ANO1: variants seen among roughly 807,000 people sequenced by gnomAD.
ANO1 encodes anoctamin 1.
Under a neutral mutation model 124.0 loss-of-function variants are expected in ANO1, and 59 were observed. The ratio of observed to expected loss-of-function variants is 0.48; its 90% CI spans 0.39 to 0.59. The LOEUF is 0.59. ANO1 is among the 20% of genes least tolerant of loss of function. The pLI is 0.00. For synonymous variants in ANO1, 529 were observed against 532.0 expected (o/e 0.99, Z 0.08); for missense variants, 1,059 against 1,328.0 (o/e 0.80, Z 3.15).
At chr11:70,168,053 G>A (rs1199577017) in intron 21 of ANO1, among the ~76,000 whole-genome samples, 3 of 152,148 alleles carry the variant, frequency 2.0e-5, no homozygotes, top group Non-Finnish European at 2.9e-5. Context: ...CCTCAATCAC[G>A]TGGCTGGCCA....
chr11:70,144,196 G>A (rs547705985), intron 11 of ANO1, among the ~76,000 whole-genome samples: 16 of 152,298 alleles, frequency 1.1e-4, no homozygotes, highest in African/African-American at 3.8e-4. Flanking sequence ...GGTACAAAAT[G>A]TAGCCTCTGT....
intron 1 of ANO1, among the ~76,000 whole-genome samples, chr11:70,029,417 T>C (rs1856963610): frequency 6.6e-6 from 1 of 152,226 alleles, no homozygotes; most frequent in South Asian, 2.1e-4. Flanking sequence ...GAGCCATTTG[T>C]AGGGGGTGTT....
intron 1 of ANO1, among the ~76,000 whole-genome samples, chr11:70,081,818 G>A (rs1013259421): frequency 1.3e-5 from 2 of 152,214 alleles, no homozygotes; most frequent in Non-Finnish European, 2.9e-5. Flanking sequence ...CATTCATGGC[G>A]CCTGGGACAG....
At chr11:70,132,494 G>C (rs1292769872) in intron 11 of ANO1, among the ~76,000 whole-genome samples, 1 of 152,152 alleles carries the variant, frequency 6.6e-6, no homozygotes, top group Non-Finnish European at 1.5e-5. Context: ...TGTCTCACTA[G>C]AGCCCTCAGC....
chr11:70,068,616 C>T (rs1442382803), intron 1 of ANO1, among the ~76,000 whole-genome samples: 1 of 152,084 alleles, frequency 6.6e-6, no homozygotes, highest in Non-Finnish European at 1.5e-5. Flanking sequence ...AGGAGGGTCA[C>T]AGCTCCCAGG....
the ANO1 span, among the ~76,000 whole-genome samples, chr11:69,974,514 C>T: frequency 1.7e-4 from 26 of 152,304 alleles, no homozygotes; most frequent in African/African-American, 5.1e-4. Context: ...CTGCCCAAGA[C>T]GGCTGAGCTG....
intron 14 of ANO1, among the ~76,000 whole-genome samples, chr11:70,154,606 ACAGGTGCCCACCACCACACC>A (rs1275833715): frequency 3.7e-4 from 56 of 151,554 alleles, no homozygotes; most frequent in African/African-American, 1.3e-3. Context: ...AGCTGGGACT[ACAGGTGCCCACCACCACACC>A]CAGCTAATTT....
At chr11:70,094,944 T>C (rs2004963) in intron 2 of ANO1, among the ~76,000 whole-genome samples, 110,616 of 152,076 alleles carry the variant, frequency 0.73, 41,023 homozygotes, top group Admixed American at 0.82. Flanking sequence ...CCATGGCTCA[T>C]GCCTATAATC....
At chr11:70,099,919 C>T (rs866635788) in intron 2 of ANO1, among the ~76,000 whole-genome samples, 30 of 152,186 alleles carry the variant, frequency 2.0e-4, no homozygotes, top group African/African-American at 6.0e-4. Context: ...ATCTGCCCCT[C>T]GAGGGCCACA....
chr11:70,117,425 G>C (rs2046030957), intron 8 of ANO1, among the ~76,000 whole-genome samples: 3 of 151,898 alleles, frequency 2.0e-5, no homozygotes, highest in Admixed American at 2.0e-4. Flanking sequence ...CCAAAGCGTT[G>C]GTCCCCACCC....
chr11:70,100,260 A>T (rs1391128828), intron 2 of ANO1, among the ~76,000 whole-genome samples: 1 of 152,090 alleles, frequency 6.6e-6, no homozygotes, highest in Non-Finnish European at 1.5e-5. Context: ...GTGGCCCCCG[A>T]TCCACATGCT....
At chr11:70,012,450 C>T (rs1028817243) in intron 1 of ANO1, among the ~76,000 whole-genome samples, 13 of 150,754 alleles carry the variant, frequency 8.6e-5, no homozygotes, top group Non-Finnish European at 1.8e-4. Context: ...ATTCATTCAT[C>T]TATCTATTTG....
chr11:70,178,533 G>A (rs1230679542), intron 22 of ANO1, among the ~76,000 whole-genome samples: 6 of 151,636 alleles, frequency 4.0e-5, no homozygotes, highest in South Asian at 4.2e-4. Context: ...TTCTCAAATT[G>A]CCTACCAGCA....
chr11:70,161,531 G>C, intron 17 of ANO1, 91 bp from the exon 18 acceptor site: 1 of 1,458,626 alleles, frequency 6.9e-7, no homozygotes, highest in Admixed American at 1.7e-5. Context: ...AGCCGACTGA[G>C]TGACTGTGCC....
intron 1 of ANO1, chr11:70,015,526 G>T: frequency 6.6e-6 from 1 of 152,518 alleles, no homozygotes; most frequent in East Asian, 1.9e-4. Flanking sequence ...TTCTTGATGT[G>T]TCTGAGGGTG....
chr11:70,062,075 T>C (rs1283698849), intron 1 of ANO1, among the ~76,000 whole-genome samples: 3 of 138,858 alleles, frequency 2.2e-5, no homozygotes, highest in East Asian at 4.1e-4. Context: ...TTCTTTTTTT[T>C]TTTTTTTTTT....
At chr11:70,133,975 G>A (rs2046859001) in intron 11 of ANO1, among the ~76,000 whole-genome samples, 1 of 152,238 alleles carries the variant, frequency 6.6e-6, no homozygotes, top group Non-Finnish European at 1.5e-5. Context: ...GAGGCCGCCA[G>A]CTCTGAGCAT....
At chr11:70,125,852 A>G (rs2046488514) in intron 9 of ANO1, among the ~76,000 whole-genome samples, 1 of 137,206 alleles carries the variant, frequency 7.3e-6, no homozygotes, top group Non-Finnish European at 1.6e-5. Flanking sequence ...TCAAAAAAAA[A>G]CAAAAAAAGA....
intron 1 of ANO1, among the ~76,000 whole-genome samples, chr11:70,012,493 T>G (rs1856615985): frequency 6.6e-6 from 1 of 152,018 alleles, no homozygotes; most frequent in African/African-American, 2.4e-5. Flanking sequence ...TGTACATCTA[T>G]TCACTCATCC....
Sources: allele counts gnomAD v4.1 joint callset (sites outside exome capture counted in the v4.1 genomes callset), GRCh38; gene constraint gnomAD v4.1.1; transcripts MANE v1.5; gene names NCBI Gene and HGNC (gene_info 2026-07-23, HGNC 2026-07-21).